Variants in AGAP1 observed in about 807,000 individuals in gnomAD.
The protein encoded by AGAP1 is arf-GAP with GTPase, ANK repeat and PH domain-containing protein 1.
Under a neutral mutation model 105.3 loss-of-function variants are expected in AGAP1, and 29 were observed. The ratio of observed to expected loss-of-function variants is 0.28; its 90% CI spans 0.21 to 0.38. AGAP1 has a LOEUF of 0.38. Among genes scored for constraint, AGAP1 ranks in the 10% least tolerant of loss-of-function variants. AGAP1 has a pLI of 1.00. For missense variants in AGAP1, 998 were observed against 1,165.1 expected (o/e 0.86, Z 2.09); for synonymous variants, 509 against 485.9 (o/e 1.05, Z -0.63).
intron 2 of AGAP1, among the ~76,000 whole-genome samples, chr2:235,710,745 T>C (rs1350491607): frequency 6.6e-6 from 1 of 152,168 alleles, no homozygotes; most frequent in Non-Finnish European, 1.5e-5. Flanking sequence ...GCAATGCTGT[T>C]ACCAGGAGAT....
intron 1 of AGAP1, among the ~76,000 whole-genome samples, chr2:235,651,269 T>G (rs1947583229): frequency 7.2e-6 from 1 of 139,532 alleles, no homozygotes; most frequent in Non-Finnish European, 1.5e-5. Context: ...GTGGACAAGG[T>G]GGGGAACGAC....
In AGAP1 at chr2:236,038,682, A is replaced by C. The variant is rs2057454885; in HGVS notation, c.1800+1967A>C. ...GGCAAAAATACAGGCCCAGTTGACC[A>C]CCAGCTTTATAGTATTTTACCTGCC... On this transcript the variant is annotated intron_variant, in intron 14 of 17. Coordinates refer to ENST00000304032, the MANE Select transcript of AGAP1 (RefSeq NM_001037131.3). The surrounding 1 kb of genome is among the most constrained non-coding windows in gnomAD (Gnocchi z 4.5). 6.6e-6 allele frequency among the ~76,000 whole-genome samples: 1 copy of C among 152,178 alleles called. No individual in the cohort carries two copies. The highest frequency in any genetic ancestry group is 1.5e-5 in the Non-Finnish European group (1 of 68,046).
intron 1 of AGAP1, chr2:235,669,969 C>T (rs1358307747): frequency 4.6e-6 from 1 of 219,114 alleles, no homozygotes; most frequent in Non-Finnish European, 8.8e-6. Flanking sequence ...TCCCCGCAGC[C>T]TGAGTGCGGC....
At chr2:235,533,225 C>T (rs530281819) in intron 1 of AGAP1, among the ~76,000 whole-genome samples, 8 of 152,310 alleles carry the variant, frequency 5.3e-5, no homozygotes, top group South Asian at 4.2e-4. Flanking sequence ...AATGGTCAAG[C>T]TCACTAGAAA....
chr2:235,768,602 T>TG (rs1373462219), intron 6 of AGAP1, among the ~76,000 whole-genome samples: 2 of 152,212 alleles, frequency 1.3e-5, no homozygotes, highest in African/African-American at 4.8e-5. Context: ...GGGCATTCTG[T>TG]GGGGAGCCAA....
At chr2:235,695,432 T>C (rs576991375) in intron 1 of AGAP1, among the ~76,000 whole-genome samples, 1 of 152,348 alleles carries the variant, frequency 6.6e-6, no homozygotes, top group East Asian at 1.9e-4. Context: ...TGGATATTCT[T>C]GAAGACAGCT....
At position 235,659,265 on chromosome 2, in the gene AGAP1, A is replaced by G. The variant is rs540294935; in HGVS notation, c.164-49914A>G. ...TGTGACTGACTTTTTATGTCTTTCT[A>G]TGTCTGTAAAATCGGGATAATAATA... On this transcript the variant is annotated intron_variant, in intron 1 of 17. Coordinates refer to ENST00000304032, the MANE Select transcript of AGAP1 (RefSeq NM_001037131.3). This position sits in a 1 kb window ranked among gnomAD's most constrained non-coding sequence, Gnocchi z 5.0. 6.6e-6 allele frequency among the ~76,000 whole-genome samples: 1 copy of G among 152,212 alleles called. No homozygotes were observed. The highest frequency in any genetic ancestry group is 2.1e-4 in the South Asian group (1 of 4,808).
At chr2:235,670,216 GC>G in intron 1 of AGAP1, 1 of 572,178 alleles carries the variant, frequency 1.7e-6, no homozygotes, top group Non-Finnish European at 3.2e-6. Flanking sequence ...TCAGGAAGGA[GC>G]AGCTGGCCGC....
rs1952508475 is a variant in AGAP1, at chr2:235,740,343, C to CT, written c.311-619dup. Among the ~76,000 whole-genome samples, 2 of 152,172 alleles carry CT rather than the reference C, an allele frequency of 1.3e-5. No individual in the cohort carries two copies. Among genetic ancestry groups the CT allele is most frequent in the South Asian group, 2.1e-4 (1 of 4,830 alleles). ...GTCTCCCGCTAACCCCGCGTGGTCT[C>CT]TAACGCCTCCTGTCAGCCGCTGCTC... is the stretch of plus-strand genomic sequence containing the variant. On this transcript the variant is annotated intron_variant, in intron 3 of 17. Transcript: ENST00000304032. This position sits in a 1 kb window ranked among gnomAD's most constrained non-coding sequence, Gnocchi z 5.7.
rs1230971135 is a variant in AGAP1 at position 235,721,223 on chromosome 2, G to T, written c.310+3579G>T. Among the ~76,000 whole-genome samples the T allele has an allele frequency of 6.6e-6, 1 of 152,068 alleles. No individual in the cohort carries two copies. The highest frequency in any genetic ancestry group is 1.5e-5 in the Non-Finnish European group (1 of 68,018). ...GGGTTTCACCATGTTGGCCAGACTG[G>T]TCTTGAACTCCTGACCTTAAGTGAT... On this transcript the variant is annotated intron_variant, in intron 3 of 17. Coordinates refer to ENST00000304032, the MANE Select transcript of AGAP1 (RefSeq NM_001037131.3). This position sits in a 1 kb window ranked among gnomAD's most constrained non-coding sequence, Gnocchi z 4.5.
intron 6 of AGAP1, among the ~76,000 whole-genome samples, chr2:235,762,391 A>T (rs1400922491): frequency 6.6e-6 from 1 of 152,158 alleles, no homozygotes; most frequent in Non-Finnish European, 1.5e-5. Flanking sequence ...TGAGGAATTC[A>T]GGCTCCGAGC....
intron 9 of AGAP1, among the ~76,000 whole-genome samples, chr2:235,812,609 C>T (rs139239888): frequency 1.3e-5 from 2 of 152,346 alleles, no homozygotes; most frequent in East Asian, 1.9e-4. Flanking sequence ...ACTGCTTCAC[C>T]GGCGTGTGCT....
chr2:235,502,155 TGTCC>T (rs1415082354), intron 1 of AGAP1, among the ~76,000 whole-genome samples: 1 of 152,214 alleles, frequency 6.6e-6, no homozygotes, highest in East Asian at 1.9e-4. Flanking sequence ...GGGTTGGTAT[TGTCC>T]GTGGGGTCCA....
rs1326587501 is a variant in AGAP1, at chr2:235,691,969, G to A, written c.164-17210G>A. ...TGTTTCAGAGAAATAACAGCATCAC[G>A]ATAGCACATTCTCTAGTTGCTGGTT... On this transcript the variant is annotated intron_variant, in intron 1 of 17. Transcript: ENST00000304032. The surrounding 1 kb of genome is among the most constrained non-coding windows in gnomAD (Gnocchi z 4.4). Among the ~76,000 whole-genome samples the A allele has an allele frequency of 2.0e-5, 3 of 152,200 alleles. No homozygotes were observed. The highest frequency in any genetic ancestry group is 4.4e-5 in the Non-Finnish European group (3 of 68,044).
intron 6 of AGAP1, among the ~76,000 whole-genome samples, chr2:235,765,971 A>G (rs937328366): frequency 6.6e-6 from 1 of 152,098 alleles, no homozygotes; most frequent in Non-Finnish European, 1.5e-5. Flanking sequence ...CCTTCCCTTC[A>G]CAGGTGGACA....
Position 236,095,108 on chromosome 2 carries a change from G to T in AGAP1, c.2115-25084G>T, listed in dbSNP as rs140903606. 6.6e-6 allele frequency among the ~76,000 whole-genome samples: 1 copy of T among 151,244 alleles called. No homozygotes were observed. Among genetic ancestry groups the T allele is most frequent in the African/African-American group, 2.4e-5 (1 of 41,220 alleles). ...TGAGACACTGTCTCAAAAAAGTTGT[G>T]GGGGCAGGGCAGGCGTGGTGGTTGA... On this transcript the variant is annotated intron_variant, in intron 16 of 17. Transcript: ENST00000304032. The surrounding 1 kb of genome is among the most constrained non-coding windows in gnomAD (Gnocchi z 4.1).
At chr2:235,505,074 C>T (rs1424528861) in intron 1 of AGAP1, among the ~76,000 whole-genome samples, 2 of 152,166 alleles carry the variant, frequency 1.3e-5, no homozygotes, top group African/African-American at 2.4e-5. Flanking sequence ...AGCCTCAATC[C>T]ATCCCTGTGC....
chr2:235,896,558 G>A (rs2050816018), intron 10 of AGAP1, among the ~76,000 whole-genome samples: 2 of 152,314 alleles, frequency 1.3e-5, no homozygotes, highest in South Asian at 4.1e-4. Context: ...GAACTGTGCA[G>A]GCTTCATAAC....
Position 235,660,538 on chromosome 2 carries a change from G to T in AGAP1, c.164-48641G>T, listed in dbSNP as rs1022721643. 6.6e-6 allele frequency among the ~76,000 whole-genome samples: 1 copy of T among 152,116 alleles called. No homozygotes were observed. The highest frequency in any genetic ancestry group is 1.5e-5 in the Non-Finnish European group (1 of 68,020). On this transcript the variant is annotated intron_variant, in intron 1 of 17. Transcript: ENST00000304032. The surrounding 1 kb of genome is among the most constrained non-coding windows in gnomAD (Gnocchi z 5.3). ...GAAGAGTGCCCAGGTGTGCACAGGT[G>T]TGCCCAGGTATGAGGGGAGAAGAAG...
Sources: gnomAD v4.1 joint callset for allele counts (sites outside exome capture counted in the v4.1 genomes callset) on GRCh38, gnomAD v4.1.1 for gene constraint, Gnocchi (gnomAD v3.1) non-coding constraint, MANE v1.5 for transcripts, NCBI Gene and HGNC (gene_info 2026-07-23, HGNC 2026-07-21) for gene names.